ATRNL1: variants seen among roughly 807,000 people sequenced by gnomAD.
ATRNL1 encodes the protein attractin-like protein 1.
ATRNL1 carries 95 observed loss-of-function variants against 182.7 expected under a neutral mutation model. The observed-to-expected ratio is 0.52, with a 90% confidence interval of 0.44 to 0.62. The LOEUF (loss-of-function observed/expected upper bound fraction) is 0.62, where lower values mean the gene tolerates loss of function less well. ATRNL1 is among the 20% of genes least tolerant of loss of function. The pLI, the probability that ATRNL1 is intolerant of heterozygous loss-of-function variation, is 0.00. For missense variants in ATRNL1, 1,471 were observed against 1,679.5 expected, an observed-to-expected ratio of 0.88 and a Z score of 2.17; for synonymous variants, 576 against 568.3, an observed-to-expected ratio of 1.01 and a Z score of -0.19.
intron 13 of ATRNL1, among the ~76,000 whole-genome samples, chr10:115,274,751 A>G (rs1554914366): frequency 1.3e-5 from 2 of 152,210 alleles, no homozygotes; most frequent in African/African-American, 4.8e-5. Flanking sequence ...GCTGAAAACA[A>G]ACTGCTTCTG....
intron 26 of ATRNL1, among the ~76,000 whole-genome samples, chr10:115,607,328 C>T (rs1555017867): frequency 6.6e-6 from 1 of 151,690 alleles, no homozygotes; most frequent in African/African-American, 2.4e-5. Context: ...TTGAGATAGA[C>T]TCTAGAATTC....
At chr10:115,324,073 G>C (rs1854740889) in intron 18 of ATRNL1, among the ~76,000 whole-genome samples, 1 of 152,128 alleles carries the variant, frequency 6.6e-6, no homozygotes, top group Admixed American at 6.5e-5. Flanking sequence ...CACCGCGTCT[G>C]ACCTATTTTT....
intron 28 of ATRNL1, among the ~76,000 whole-genome samples, chr10:115,854,807 T>G (rs782742298): frequency 3.9e-5 from 6 of 152,198 alleles, no homozygotes; most frequent in Admixed American, 6.5e-5. Context: ...TTCTATAGAT[T>G]TTATCCCTGG....
chr10:115,393,076 T>C (rs1198351899), intron 19 of ATRNL1, among the ~76,000 whole-genome samples: 1 of 152,124 alleles, frequency 6.6e-6, no homozygotes, highest in East Asian at 1.9e-4. Context: ...ATTAGGCTTG[T>C]GTAAGAGGAC....
chr10:115,541,947 T>G (rs1245425397), intron 25 of ATRNL1, among the ~76,000 whole-genome samples: 4 of 152,194 alleles, frequency 2.6e-5, no homozygotes, highest in Non-Finnish European at 1.5e-5. Flanking sequence ...ATTAATGATT[T>G]AGGAAAGGTT....
intron 1 of ATRNL1, among the ~76,000 whole-genome samples, chr10:115,108,474 A>G (rs1263160544): frequency 2.0e-5 from 3 of 152,308 alleles, no homozygotes; most frequent in Admixed American, 2.0e-4. Flanking sequence ...GCCGAGTTTT[A>G]TAGTCCAGTT....
At chr10:115,108,907 G>A (rs1046153188) in intron 1 of ATRNL1, among the ~76,000 whole-genome samples, 21 of 152,224 alleles carry the variant, frequency 1.4e-4, no homozygotes, top group African/African-American at 4.8e-4. Context: ...TCAGATATGG[G>A]CACAATTCAG....
At chr10:115,687,417 A>G (rs1190700792) in intron 26 of ATRNL1, among the ~76,000 whole-genome samples, 2 of 152,030 alleles carry the variant, frequency 1.3e-5, no homozygotes, top group Admixed American at 6.6e-5. Flanking sequence ...TCCTCTGGGT[A>G]CACCTGTGTT....
chr10:115,241,210 A>G (rs1182754648), intron 9 of ATRNL1, among the ~76,000 whole-genome samples: 2 of 151,920 alleles, frequency 1.3e-5, no homozygotes, highest in African/African-American at 4.8e-5. Context: ...TAAATTTACT[A>G]TATTTAACTT....
intron 28 of ATRNL1, among the ~76,000 whole-genome samples, chr10:115,860,768 T>A (rs890106272): frequency 2.6e-4 from 40 of 152,214 alleles, no homozygotes; most frequent in African/African-American, 9.6e-4. Context: ...TATTTAACAG[T>A]CTTCACTGCA....
intron 21 of ATRNL1, among the ~76,000 whole-genome samples, chr10:115,427,616 A>G (rs1845961034): frequency 6.6e-6 from 1 of 152,140 alleles, no homozygotes; most frequent in Non-Finnish European, 1.5e-5. Flanking sequence ...ATAGTAGGTG[A>G]TGGATTGAAG....
At chr10:115,668,716 C>T (rs1861142786) in intron 26 of ATRNL1, among the ~76,000 whole-genome samples, 1 of 152,096 alleles carries the variant, frequency 6.6e-6, no homozygotes, top group Non-Finnish European at 1.5e-5. Flanking sequence ...ACATTTGTGT[C>T]TTAAACAGGT....
rs193019232 is a variant in ATRNL1 at position 115,694,592 on chromosome 10, G to A, written c.3796-32656G>A. Among the ~76,000 whole-genome samples, 38 of 152,208 alleles carry A rather than the reference G, an allele frequency of 2.5e-4. 1 individual carries two copies. The highest frequency in any genetic ancestry group is 4.4e-5 in the Non-Finnish European group (3 of 67,964). On this transcript the variant is annotated intron_variant, in intron 26 of 28. Transcript: ENST00000355044. ...TATATTCATTTTGTGTATACTGAAT[G>A]TTATTTCTGACATTCTTTTAGATTC...
chr10:115,761,080 C>T (rs2960718), intron 27 of ATRNL1, among the ~76,000 whole-genome samples: 144,705 of 152,280 alleles, frequency 0.95, 69,168 homozygotes, highest in East Asian at 1. Context: ...TTTGAGGTAG[C>T]GTTTCAAAGA....
intron 9 of ATRNL1, among the ~76,000 whole-genome samples, chr10:115,229,188 A>G (rs1225415412): frequency 6.6e-6 from 1 of 152,180 alleles, no homozygotes; most frequent in African/African-American, 2.4e-5. Context: ...TACTTAAAAA[A>G]TGTTTTCATA....
intron 10 of ATRNL1, among the ~76,000 whole-genome samples, chr10:115,252,786 G>A (rs1165542085): frequency 6.6e-6 from 1 of 152,068 alleles, no homozygotes; most frequent in Non-Finnish European, 1.5e-5. Flanking sequence ...AGCTCACTGG[G>A]GCTAAGCAGT....
Position 115,484,319 on chromosome 10 carries a change from T to G in ATRNL1, c.3654+14990T>G, listed in dbSNP as rs1037292618. On this transcript the variant is annotated intron_variant, in intron 24 of 28. Coordinates refer to ENST00000355044, the MANE Select transcript of ATRNL1 (RefSeq NM_207303.4). ...CTCTCTACTTACAGATTATGCTATT[T>G]TATATTTTAATTTTGAGATTTTATC... Among the ~76,000 whole-genome samples the G allele has an allele frequency of 4.6e-5, 7 of 151,754 alleles. No individual in the cohort carries two copies. In the South Asian group the frequency reaches 1.5e-3, roughly 31 times the overall value.
At chr10:115,315,386 C>T in intron 17 of ATRNL1, 132 bp from the exon 18 acceptor site, 1 of 611,432 alleles carries the variant, frequency 1.6e-6, no homozygotes. Flanking sequence ...AGTATTATTG[C>T]AAAAATGTTT....
At position 115,399,606 on chromosome 10, in the gene ATRNL1, A is replaced by G. The variant is rs192512379; in HGVS notation, c.3269+4854A>G. Among the ~76,000 whole-genome samples, 870 of 151,870 alleles carry G rather than the reference A, an allele frequency of 5.7e-3. 8 individuals are homozygous for G. Among genetic ancestry groups the G allele is most frequent in the African/African-American group, 0.02 (836 of 41,456 alleles). ...GTCTAGCAATTTTATTATTTTCTTC[A>G]AAAACCAGCTCCTGGATGCATTGAT... On this transcript the variant is annotated intron_variant, in intron 20 of 28. Coordinates refer to ENST00000355044, the MANE Select transcript of ATRNL1 (RefSeq NM_207303.4).
Sources: allele counts gnomAD v4.1 joint callset (sites outside exome capture counted in the v4.1 genomes callset), GRCh38; gene constraint gnomAD v4.1.1; transcripts MANE v1.5; gene names NCBI Gene and HGNC (gene_info 2026-07-23, HGNC 2026-07-21).